Variants in ANO6 observed in about 807,000 individuals in gnomAD.
The protein encoded by ANO6 is anoctamin-6.
Under a neutral mutation model 117.5 loss-of-function variants are expected in ANO6, and 106 were observed. The ratio of observed to expected loss-of-function variants is 0.90; its 90% CI spans 0.77 to 1.06. The LOEUF (loss-of-function observed/expected upper bound fraction) is 1.06. Among genes scored for constraint, ANO6 ranks in the 50% least tolerant of loss-of-function variants. The pLI is 0.00. For missense variants in ANO6, 955 were observed against 1,121.1 expected, an observed-to-expected ratio of 0.85 and a Z score of 2.12; for synonymous variants, 367 against 385.1, an observed-to-expected ratio of 0.95 and a Z score of 0.55.
chr12:45,403,398 C>A (rs773042931), intron 14 of ANO6, 41 bp from the exon 15 acceptor site: 2 of 1,556,038 alleles, frequency 1.3e-6, no homozygotes, highest in Admixed American at 1.7e-5. Flanking sequence ...CAAGTTAGAT[C>A]CATTGAATAT....
chr12:45,405,707 C>T (rs762203900), intron 15 of ANO6, among the ~76,000 whole-genome samples: 2 of 152,096 alleles, frequency 1.3e-5, no homozygotes, highest in African/African-American at 2.4e-5. Flanking sequence ...GTCGGGAGTT[C>T]GAGACCAGCC....
chr12:45,226,385 A>T (rs572734449), intron 1 of ANO6, among the ~76,000 whole-genome samples: 1 of 151,670 alleles, frequency 6.6e-6, no homozygotes, highest in Admixed American at 6.6e-5. Context: ...TTGGAATTCT[A>T]CTATTTCCCA....
chr12:45,378,547 C>T (rs1942090061), intron 10 of ANO6, among the ~76,000 whole-genome samples: 1 of 152,012 alleles, frequency 6.6e-6, no homozygotes, highest in Non-Finnish European at 1.5e-5. Flanking sequence ...TTTCAGGGTT[C>T]CAAAGAGAAG....
chr12:45,308,048 ATTTTTTTTTTTT>A (rs1218638312), intron 2 of ANO6, among the ~76,000 whole-genome samples: 2 of 69,298 alleles, frequency 2.9e-5, no homozygotes, highest in South Asian at 7.4e-4. Context: ...TGTGTGTGTA[ATTTTTTTTTTTT>A]TTTTTTTTTT....
rs751219481 is a variant in ANO6 at position 45,292,962 on chromosome 12, T to A, written c.71-9052T>A. 3.9e-6 allele frequency: 6 copies of A among 1,551,266 alleles called. No homozygotes were observed. In the South Asian group the frequency reaches 5.9e-5, roughly 15 times the overall value. Reference sequence around the variant, plus strand: ...AAGAACATGTTCCTATTTGGTGAGTTGCTGGAACAGTGAGCAGTGGGCAGA... The same window carrying A: ...AAGAACATGTTCCTATTTGGTGAGTAGCTGGAACAGTGAGCAGTGGGCAGA... On this transcript the variant is annotated intron_variant, in intron 1 of 19. Coordinates refer to ENST00000320560, the MANE Select transcript of ANO6 (RefSeq NM_001025356.3).
chr12:45,315,381 A>G (rs928421626), intron 2 of ANO6, among the ~76,000 whole-genome samples: 3 of 152,034 alleles, frequency 2.0e-5, no homozygotes, highest in African/African-American at 7.2e-5. Flanking sequence ...AGATGACCAT[A>G]ATAGTCCCAG....
At chr12:45,326,667 C>A (rs952319426) in intron 2 of ANO6, among the ~76,000 whole-genome samples, 5 of 152,150 alleles carry the variant, frequency 3.3e-5, no homozygotes, top group Non-Finnish European at 7.4e-5. Flanking sequence ...AAAATGAACT[C>A]TTTCAAGGTC....
intron 1 of ANO6, among the ~76,000 whole-genome samples, chr12:45,293,269 C>T (rs576885949): frequency 6.6e-6 from 1 of 152,182 alleles, no homozygotes; most frequent in African/African-American, 2.4e-5. Context: ...GGTATTGTTT[C>T]AGGTTCTTGG....
intron 1 of ANO6, among the ~76,000 whole-genome samples, chr12:45,219,663 T>C (rs563672609): frequency 2.6e-5 from 4 of 152,160 alleles, no homozygotes; most frequent in Non-Finnish European, 5.9e-5. Flanking sequence ...TTTATGTCAG[T>C]GTTGCCTCCT....
intron 1 of ANO6, among the ~76,000 whole-genome samples, chr12:45,248,468 C>G (rs139211175): frequency 7.2e-6 from 1 of 139,536 alleles, no homozygotes; most frequent in Non-Finnish European, 1.5e-5. Flanking sequence ...GAGTTGCTCT[C>G]TGTCGCCCAG....
At chr12:45,379,675 T>C (rs954013206) in intron 10 of ANO6, among the ~76,000 whole-genome samples, 7 of 152,138 alleles carry the variant, frequency 4.6e-5, no homozygotes, top group Non-Finnish European at 1.0e-4. Context: ...TAGCCCCAAT[T>C]AAAGAAGACA....
At chr12:45,366,079 G>A (rs1178551908) in intron 8 of ANO6, among the ~76,000 whole-genome samples, 1 of 149,824 alleles carries the variant, frequency 6.7e-6, no homozygotes, top group Non-Finnish European at 1.5e-5. Context: ...TATCTGAATG[G>A]CTTCTCCAAA....
intron 1 of ANO6, among the ~76,000 whole-genome samples, chr12:45,301,021 G>T (rs1379461323): frequency 1.3e-5 from 2 of 152,118 alleles, no homozygotes; most frequent in Non-Finnish European, 2.9e-5. Flanking sequence ...TGTCCAATAT[G>T]GTAGCCACTA....
At chr12:45,283,128 T>G (rs1938797945) in intron 1 of ANO6, among the ~76,000 whole-genome samples, 1 of 152,224 alleles carries the variant, frequency 6.6e-6, no homozygotes, top group African/African-American at 2.4e-5. Context: ...CTTAACGTAC[T>G]TATGCATATT....
At chr12:45,273,155 A>G (rs893104542) in intron 1 of ANO6, among the ~76,000 whole-genome samples, 1 of 152,172 alleles carries the variant, frequency 6.6e-6, no homozygotes, top group African/African-American at 2.4e-5. Context: ...GGGGGAAATG[A>G]GACATGTTGG....
chr12:45,262,109 G>A (rs1431520184), intron 1 of ANO6, among the ~76,000 whole-genome samples: 1 of 151,980 alleles, frequency 6.6e-6, no homozygotes, highest in Non-Finnish European at 1.5e-5. Flanking sequence ...GAAATTTTGG[G>A]AAATACAGAA....
intron 1 of ANO6, among the ~76,000 whole-genome samples, chr12:45,295,200 C>T (rs1175101621): frequency 3.9e-5 from 6 of 152,208 alleles, no homozygotes; most frequent in African/African-American, 1.4e-4. Context: ...TACTAACATT[C>T]TTTGCATTAA....
intron 10 of ANO6, among the ~76,000 whole-genome samples, chr12:45,385,682 A>T (rs1391134468): frequency 6.6e-6 from 1 of 152,172 alleles, no homozygotes; most frequent in Non-Finnish European, 1.5e-5. Flanking sequence ...CATCCCATTG[A>T]CAAAGAAGCC....
At chr12:45,367,444 A>T (rs1941714771) in intron 8 of ANO6, among the ~76,000 whole-genome samples, 1 of 152,248 alleles carries the variant, frequency 6.6e-6, no homozygotes, top group African/African-American at 2.4e-5. Flanking sequence ...CCTCCAGCTG[A>T]AAAGAAACAG....
Sources: allele counts gnomAD v4.1 joint callset (sites outside exome capture counted in the v4.1 genomes callset), GRCh38; gene constraint gnomAD v4.1.1; transcripts MANE v1.5; gene names NCBI Gene and HGNC (gene_info 2026-07-23, HGNC 2026-07-21).